PCDH15: variants seen among roughly 807,000 people sequenced by gnomAD.
PCDH15 encodes the protein protocadherin related 15.
Under a neutral mutation model 178.5 loss-of-function variants are expected in PCDH15, and 129 were observed. The observed-to-expected ratio is 0.72, with a 90% CI of 0.63 to 0.84. The LOEUF is 0.84. Ranked by LOEUF, PCDH15 falls within the 40% of genes least tolerant of loss-of-function variation. The probability of loss-of-function intolerance (pLI) is 0.00; values close to 1 mark genes in which losing one functional copy is unlikely to be tolerated. For missense variants in PCDH15, 2,230 were observed against 2,099.9 expected (o/e 1.06, Z -1.21); for synonymous variants, 800 against 732.0 (o/e 1.09, Z -1.50).
At chr10:55,061,181 G>A (rs759723270) in intron 2 of PCDH15, among the ~76,000 whole-genome samples, 6 of 152,022 alleles carry the variant, frequency 3.9e-5, no homozygotes, top group Non-Finnish European at 7.4e-5. Context: ...ATAAAGTAAT[G>A]TTAGGCAAAC....
At chr10:55,366,863 A>C (rs970640696) in intron 2 of PCDH15, among the ~76,000 whole-genome samples, 1 of 151,958 alleles carries the variant, frequency 6.6e-6, no homozygotes, top group African/African-American at 2.4e-5. Flanking sequence ...TATTTTCTCA[A>C]AAGTGTTCAG....
chr10:54,582,968 C>T (rs1309925682), intron 2 of PCDH15, among the ~76,000 whole-genome samples: 9 of 151,966 alleles, frequency 5.9e-5, no homozygotes, highest in African/African-American at 2.2e-4. Context: ...TTAATAAAAA[C>T]AATAAAGATA....
chr10:54,196,292 AC>A (rs1564654502), intron 10 of PCDH15, among the ~76,000 whole-genome samples: 1 of 151,820 alleles, frequency 6.6e-6, no homozygotes, highest in Non-Finnish European at 1.5e-5. Context: ...ACAGGCGCCC[AC>A]CACCACGCAT....
chr10:55,470,608 C>T (rs758282317), intron 2 of PCDH15, among the ~76,000 whole-genome samples: 6 of 152,090 alleles, frequency 3.9e-5, no homozygotes, highest in Admixed American at 1.3e-4. Flanking sequence ...CTGTCAACAT[C>T]TCTTTGTTGA....
At chr10:55,237,621 T>C (rs960461025) in intron 1 of PCDH15, among the ~76,000 whole-genome samples, 1 of 152,146 alleles carries the variant, frequency 6.6e-6, no homozygotes, top group Non-Finnish European at 1.5e-5. Flanking sequence ...TAATTCTCTA[T>C]ATTCAGAAAT....
At chr10:55,134,050 C>A (rs369163917) in intron 2 of PCDH15, among the ~76,000 whole-genome samples, 4 of 152,208 alleles carry the variant, frequency 2.6e-5, no homozygotes, top group Non-Finnish European at 4.4e-5. Flanking sequence ...ATATATCCTG[C>A]AAAATATATT....
chr10:54,630,673 A>G (rs923947036), intron 2 of PCDH15, among the ~76,000 whole-genome samples: 5 of 152,200 alleles, frequency 3.3e-5, no homozygotes, highest in African/African-American at 1.2e-4. Context: ...GGGACCCTAA[A>G]GAGCTTCTGT....
intron 15 of PCDH15, among the ~76,000 whole-genome samples, chr10:54,106,808 T>C (rs1198644654): frequency 6.6e-6 from 1 of 152,214 alleles, no homozygotes; most frequent in Admixed American, 6.5e-5. Flanking sequence ...GAAATTGAAA[T>C]TGATTTCAAA....
chr10:54,853,707 G>GT (rs894005125), intron 3 of PCDH15, among the ~76,000 whole-genome samples: 1 of 151,804 alleles, frequency 6.6e-6, no homozygotes, highest in African/African-American at 2.4e-5. Context: ...GAATAGACAG[G>GT]TTTTCTAGAA....
intron 1 of PCDH15, among the ~76,000 whole-genome samples, chr10:54,726,668 C>T (rs1027325349): frequency 1.3e-5 from 2 of 151,136 alleles, no homozygotes; most frequent in African/African-American, 2.4e-5. Context: ...AGCAAAATGA[C>T]ATAAGAGCTG....
intron 3 of PCDH15, among the ~76,000 whole-genome samples, chr10:54,431,017 T>A (rs368040070): frequency 1.8e-4 from 27 of 152,066 alleles, no homozygotes; most frequent in Non-Finnish European, 3.1e-4. Flanking sequence ...CTAGAGGAAA[T>A]GGATAAGTTC....
intron 2 of PCDH15, among the ~76,000 whole-genome samples, chr10:55,544,163 T>TATATATATATAC (rs1841828176): frequency 7.3e-6 from 1 of 136,680 alleles, no homozygotes; most frequent in Admixed American, 7.4e-5. Flanking sequence ...TATATATATA[T>TATATATATATAC]ATATATATAT....
intron 20 of PCDH15, 62 bp downstream of exon 20, chr10:54,020,130 G>A (rs1565030934): frequency 3.5e-6 from 5 of 1,412,044 alleles, no homozygotes; most frequent in Non-Finnish European, 5.0e-6. Flanking sequence ...TATAATAGAA[G>A]GAACAAAACC....
intron 2 of PCDH15, among the ~76,000 whole-genome samples, chr10:55,379,674 C>T (rs957670714): frequency 1.3e-5 from 2 of 151,956 alleles, no homozygotes; most frequent in Non-Finnish European, 2.9e-5. Flanking sequence ...AATCCATAAC[C>T]TCAAATACTA....
chr10:54,398,264 A>G (rs1951497805), intron 3 of PCDH15, among the ~76,000 whole-genome samples: 1 of 151,906 alleles, frequency 6.6e-6, no homozygotes, highest in Non-Finnish European at 1.5e-5. Context: ...AAAAAACACT[A>G]TGGAAGAAAA....
At chr10:53,949,023 A>G (rs1485743598) in intron 23 of PCDH15, among the ~76,000 whole-genome samples, 1 of 152,218 alleles carries the variant, frequency 6.6e-6, no homozygotes, top group East Asian at 1.9e-4. Context: ...AGTTTGTGCT[A>G]AATTCTAAAC....
At chr10:55,559,111 T>C (rs991037277) in intron 2 of PCDH15, among the ~76,000 whole-genome samples, 1 of 152,058 alleles carries the variant, frequency 6.6e-6, no homozygotes, top group African/African-American at 2.4e-5. Context: ...TTCCTGATTA[T>C]GGCCCTACAC....
chr10:55,425,893 T>C (rs964987015), intron 2 of PCDH15, among the ~76,000 whole-genome samples: 2 of 152,230 alleles, frequency 1.3e-5, no homozygotes, highest in African/African-American at 4.8e-5. Flanking sequence ...AATTTCAAAT[T>C]GTAAAACGTT....
chr10:55,330,864 GTGTGTA>G (rs1844182206), intron 2 of PCDH15, among the ~76,000 whole-genome samples: 1 of 151,256 alleles, frequency 6.6e-6, no homozygotes, highest in Admixed American at 6.6e-5. Flanking sequence ...GTGTGTGTGT[GTGTGTA>G]TGTGTATGTG....
Sources: gnomAD v4.1 joint callset for allele counts (sites outside exome capture counted in the v4.1 genomes callset) on GRCh38, gnomAD v4.1.1 for gene constraint, MANE v1.5 for transcripts, NCBI Gene and HGNC (gene_info 2026-07-23, HGNC 2026-07-21) for gene names.